Variants in ATE1 observed in about 807,000 individuals in gnomAD.
ATE1 encodes the protein arginyltransferase 1, also known as arginyl-tRNA--protein transferase 1.
Under a neutral mutation model 70.5 loss-of-function variants are expected in ATE1, and 36 were observed. The ratio of observed to expected loss-of-function variants is 0.51; its 90% CI spans 0.39 to 0.67. The LOEUF (loss-of-function observed/expected upper bound fraction) is 0.67. Ranked by LOEUF, ATE1 falls within the 30% of genes least tolerant of loss-of-function variation. ATE1 has a pLI of 0.00. For missense variants in ATE1, 593 were observed against 629.5 expected (o/e 0.94, Z 0.62); for synonymous variants, 232 against 219.3 (o/e 1.06, Z -0.51).
intron 11 of ATE1, among the ~76,000 whole-genome samples, chr10:121,765,980 C>T (rs1375991260): frequency 3.9e-5 from 6 of 152,270 alleles, no homozygotes; most frequent in Admixed American, 3.3e-4. Context: ...GAGTAGGAGA[C>T]TGCCATGGTG....
chr10:121,811,688 A>C (rs1171943734), intron 10 of ATE1, among the ~76,000 whole-genome samples: 1 of 152,114 alleles, frequency 6.6e-6, no homozygotes, highest in Non-Finnish European at 1.5e-5. Flanking sequence ...TACTAAACTG[A>C]CCCTAAAAAA....
chr10:121,816,018 T>A (rs1029637301), intron 10 of ATE1, among the ~76,000 whole-genome samples: 2 of 152,200 alleles, frequency 1.3e-5, no homozygotes, highest in African/African-American at 2.4e-5. Context: ...CTATAGAGAA[T>A]AGCTATTTTA....
intron 10 of ATE1, among the ~76,000 whole-genome samples, chr10:121,796,558 G>A (rs931813828): frequency 1.3e-5 from 2 of 152,114 alleles, no homozygotes; most frequent in Non-Finnish European, 2.9e-5. Flanking sequence ...AAGAGTTAAT[G>A]TTTTACACAA....
chr10:121,785,216 G>A (rs1946156647), intron 11 of ATE1, among the ~76,000 whole-genome samples: 1 of 152,034 alleles, frequency 6.6e-6, no homozygotes, highest in Non-Finnish European at 1.5e-5. Flanking sequence ...ACCTTCAGAA[G>A]TATTAAAAAA....
At chr10:121,866,645 C>T (rs1407168414) in intron 8 of ATE1, among the ~76,000 whole-genome samples, 7 of 151,894 alleles carry the variant, frequency 4.6e-5, no homozygotes, top group East Asian at 1.9e-4. Context: ...GTCAGGAGTT[C>T]GAGACCAGCC....
intron 8 of ATE1, among the ~76,000 whole-genome samples, chr10:121,863,016 T>C (rs1324126061): frequency 6.6e-6 from 1 of 152,196 alleles, no homozygotes; most frequent in African/African-American, 2.4e-5. Context: ...GTGTTGTTCA[T>C]GCTTCCTATT....
Position 121,825,606 on chromosome 10 carries a change from G to C in ATE1, c.1257+11112C>G, listed in dbSNP as rs576281565. The stretch of plus-strand genomic sequence containing the variant: ...TCAGTGAGGGTTTCCTCAATCTTAG[G>C]AAGAGACACAAACCACCTCACACCC... On this transcript the variant is annotated intron_variant, in intron 10 of 11. Coordinates refer to ENST00000224652, the MANE Select transcript of ATE1 (RefSeq NM_001001976.3). Among the ~76,000 whole-genome samples the C allele has an allele frequency of 7.2e-5, 11 of 152,254 alleles. No individual in the cohort carries two copies. In the South Asian group the frequency reaches 1.9e-3, roughly 26 times the overall value.
chr10:121,797,605 AT>A (rs1359049443), intron 10 of ATE1, among the ~76,000 whole-genome samples: 222 of 143,998 alleles, frequency 1.5e-3, no homozygotes, highest in African/African-American at 5.2e-3. Flanking sequence ...AAAAAAAAAA[AT>A]ACGAAGACAT....
chr10:121,898,236 T>C (rs940588364), intron 7 of ATE1, among the ~76,000 whole-genome samples: 4 of 152,202 alleles, frequency 2.6e-5, no homozygotes, highest in Admixed American at 6.5e-5. Context: ...GTTGGACTTA[T>C]GCTTTTTCAA....
chr10:121,741,348 G>A lies in ATE1; in HGVS notation c.*2332C>T, dbSNP rs1219747051. On this transcript the variant is annotated 3_prime_UTR_variant, in exon 12 of 12. Coordinates refer to ENST00000224652, the MANE Select transcript of ATE1 (RefSeq NM_001001976.3). The stretch of plus-strand genomic sequence containing the variant: ...CTATTCTCAAACCAACATAATGCAT[G>A]AATACAGCAGCCAAGTAGAAGGATC... The A allele has an allele frequency of 6.6e-6, 1 of 152,172 alleles. No homozygotes were observed. The highest frequency in any genetic ancestry group is 1.5e-5 in the Non-Finnish European group (1 of 68,040). 9.4% of individuals were successfully genotyped at this position (152,172 alleles called of 1,614,324 possible).
chr10:121,905,256 C>A (rs1951143977), intron 5 of ATE1, among the ~76,000 whole-genome samples: 1 of 152,184 alleles, frequency 6.6e-6, no homozygotes, highest in Non-Finnish European at 1.5e-5. Flanking sequence ...TTATTATTAG[C>A]TATTATTTGT....
At chr10:121,758,089 A>T (rs1944881023) in intron 11 of ATE1, among the ~76,000 whole-genome samples, 1 of 152,258 alleles carries the variant, frequency 6.6e-6, no homozygotes, top group African/African-American at 2.4e-5. Context: ...TCCTGAGACA[A>T]GAACAAAGAA....
At chr10:121,776,734 A>G (rs1248866070) in intron 11 of ATE1, among the ~76,000 whole-genome samples, 1 of 152,272 alleles carries the variant, frequency 6.6e-6, no homozygotes, top group Non-Finnish European at 1.5e-5. Flanking sequence ...GTAAGTGTGC[A>G]CGCATGCACG....
At chr10:121,835,209 C>A (rs930629008) in intron 10 of ATE1, among the ~76,000 whole-genome samples, 8 of 152,072 alleles carry the variant, frequency 5.3e-5, no homozygotes, top group African/African-American at 1.7e-4. Context: ...TATCTCCCTA[C>A]AATGTACACT....
chr10:121,874,998 C>CA (rs200955800), intron 7 of ATE1, among the ~76,000 whole-genome samples: 146,504 of 146,646 alleles, frequency 1, 73,182 homozygotes, highest in Middle Eastern at 1. Context: ...AAAAAAAATA[C>CA]AAAAATTAGC....
intron 7 of ATE1, among the ~76,000 whole-genome samples, chr10:121,898,629 G>C (rs997095611): frequency 6.6e-6 from 1 of 152,098 alleles, no homozygotes; most frequent in African/African-American, 2.4e-5. Context: ...CTACTTTCAG[G>C]TTCCTAGAGA....
At chr10:121,819,786 T>C (rs1947717588) in intron 10 of ATE1, among the ~76,000 whole-genome samples, 1 of 151,536 alleles carries the variant, frequency 6.6e-6, no homozygotes, top group Non-Finnish European at 1.5e-5. Context: ...GATTTATTCA[T>C]GTAACCAAAT....
chr10:121,770,017 G>T (rs1386402641), intron 11 of ATE1, among the ~76,000 whole-genome samples: 1 of 152,196 alleles, frequency 6.6e-6, no homozygotes, highest in Non-Finnish European at 1.5e-5. Flanking sequence ...GCATTTATCA[G>T]AACTCAAGTT....
At chr10:121,846,556 G>C (rs963272056) in intron 8 of ATE1, 1 of 152,154 alleles carries the variant, frequency 6.6e-6, no homozygotes, top group Admixed American at 6.5e-5. Context: ...AGCAGTATCA[G>C]CAATTTCTCA....
Sources: gnomAD v4.1 joint callset for allele counts (sites outside exome capture counted in the v4.1 genomes callset) on GRCh38, gnomAD v4.1.1 for gene constraint, MANE v1.5 for transcripts, NCBI Gene and HGNC (gene_info 2026-07-23, HGNC 2026-07-21) for gene names.